CSF2RA: variants seen among roughly 807,000 people sequenced by gnomAD.
CSF2RA encodes the protein colony stimulating factor 2 receptor subunit alpha, also known as granulocyte-macrophage colony-stimulating factor receptor subunit alpha.
In CSF2RA, 42 loss-of-function variants were observed where a neutral mutation model predicts 51.6. The observed-to-expected ratio is 0.81, with a 90% CI of 0.64 to 1.05. The LOEUF is 1.05. Among genes scored for constraint, CSF2RA ranks in the 50% least tolerant of loss-of-function variants. The pLI is 0.00. For missense variants in CSF2RA, 530 were observed against 501.1 expected, an observed-to-expected ratio of 1.06 and a Z score of -0.55; for synonymous variants, 222 against 193.0, an observed-to-expected ratio of 1.15 and a Z score of -1.24.
At chrX:1,317,549 CT>C in the CSF2RA span, among the ~76,000 whole-genome samples, 196 of 146,172 alleles carry the variant, frequency 1.3e-3, 1 homozygote, top group African/African-American at 4.9e-3. Flanking sequence ...CCACGCCCAG[CT>C]TTTTTTATTT....
At chrX:1,319,156 T>C in the CSF2RA span, among the ~76,000 whole-genome samples, 49,615 of 146,890 alleles carry the variant, frequency 0.34, 10,042 homozygotes, top group African/African-American at 0.47. Flanking sequence ...CCACCACGCC[T>C]GGCTAATTTT....
At chrX:1,282,812 CG>C in intron 3 of CSF2RA, 33 bp downstream of exon 3, 1 of 1,572,782 alleles carries the variant, frequency 6.4e-7, no homozygotes, top group South Asian at 1.1e-5. Context: ...ACCTTCTCCG[CG>C]GCCCCTGTTT....
chrX:1,295,364 C>A, intron 8 of CSF2RA, 63 bp from the exon 9 acceptor site: 1 of 1,591,570 alleles, frequency 6.3e-7, no homozygotes, highest in Non-Finnish European at 8.6e-7. Context: ...ACTGTGTGAA[C>A]CATCTACAGT....
Position 1,309,493 on chromosome X carries a change from T to C in CSF2RA, c.*14T>C. 2 of 1,613,980 alleles carry C rather than the reference T, an allele frequency of 1.2e-6. No individual in the cohort carries two copies. Among genetic ancestry groups the C allele is most frequent in the South Asian group, 2.2e-5 (2 of 91,084 alleles). On this transcript the variant is annotated 3_prime_UTR_variant, in exon 13 of 13. Coordinates refer to ENST00000381529, the MANE Select transcript of CSF2RA (RefSeq NM_172245.4). ...GAAATTACCTGAGACCCAGAGGGTGTAGGAATGGCATGGACATCTCCGCCT... is the reference window on the plus strand; with the variant it reads ...GAAATTACCTGAGACCCAGAGGGTGCAGGAATGGCATGGACATCTCCGCCT...
chrX:1,275,349 C>T (rs2089042220), intron 2 of CSF2RA, among the ~76,000 whole-genome samples: 1 of 151,410 alleles, frequency 6.6e-6, no homozygotes, highest in Non-Finnish European at 1.5e-5. Context: ...CAAGATCGCG[C>T]CACTGCACTC....
At chrX:1,282,803 C>A (rs368542996) in intron 3 of CSF2RA, 24 bp downstream of exon 3, 7 of 1,596,540 alleles carry the variant, frequency 4.4e-6, no homozygotes, top group African/African-American at 2.7e-5. Context: ...CCTGGCTGAA[C>A]CTTCTCCGCG....
intron 2 of CSF2RA, among the ~76,000 whole-genome samples, chrX:1,276,734 T>C (rs1569491316): frequency 6.6e-6 from 1 of 152,000 alleles, no homozygotes. Flanking sequence ...TGGGGTGAAA[T>C]GTATTTTAAA....
At chrX:1,272,869 A>T (rs1418004545) in intron 1 of CSF2RA, among the ~76,000 whole-genome samples, 1 of 143,036 alleles carries the variant, frequency 7.0e-6, no homozygotes, top group African/African-American at 2.6e-5. Flanking sequence ...CCCAGACTGG[A>T]GTACAGTGGC....
downstream of CSF2RA, among the ~76,000 whole-genome samples, chrX:1,311,919 T>A (rs2148741887): frequency 6.6e-6 from 1 of 152,252 alleles, no homozygotes; most frequent in Admixed American, 6.6e-5. Flanking sequence ...CATATCTCAC[T>A]GGACTGTGAC....
intron 2 of CSF2RA, among the ~76,000 whole-genome samples, chrX:1,280,429 C>G (rs1341554902): frequency 6.7e-6 from 1 of 149,568 alleles, no homozygotes; most frequent in Non-Finnish European, 1.5e-5. Flanking sequence ...CAAGATTGCA[C>G]CACTGCACTC....
Position 1,274,811 on chromosome X carries a change from A to T in CSF2RA, c.-34A>T. ...ATCCGAGAAGCGGCGATGTTTGCGT[A>T]GAACCCTGTACGTGCTTCCTTCGGC... On this transcript the variant is annotated 5_prime_UTR_variant, in exon 2 of 13. It removes the in-frame stop codon of an upstream open reading frame in the 5' UTR. Coordinates refer to ENST00000381529, the MANE Select transcript of CSF2RA (RefSeq NM_172245.4). 6.6e-6 allele frequency: 3 copies of T among 453,658 alleles called. No homozygotes were observed. Among genetic ancestry groups the T allele is most frequent in the Non-Finnish European group, 1.3e-5 (3 of 226,724 alleles). The allele number at this position is 453,658 out of a possible 1,614,324, so 28.1% of individuals were successfully genotyped here. A position where few individuals can be genotyped will look rare whatever the true frequency, so the allele number is the denominator to read the frequency against.
At chrX:1,294,253 T>C in intron 7 of CSF2RA, 75 bp from the exon 8 acceptor site, 1 of 1,582,086 alleles carries the variant, frequency 6.3e-7, no homozygotes, top group Non-Finnish European at 8.7e-7. Context: ...GAGGAGACTC[T>C]GCACCACCTC....
intron 2 of CSF2RA, among the ~76,000 whole-genome samples, chrX:1,281,015 C>A (rs2089932100): frequency 1.8e-5 from 2 of 108,936 alleles, no homozygotes. Context: ...TCCTTCTCCT[C>A]CTCCTCCTTC....
intron 3 of CSF2RA, 91 bp from the exon 4 acceptor site, chrX:1,285,687 G>C: frequency 7.2e-7 from 1 of 1,391,118 alleles, no homozygotes; most frequent in South Asian, 1.3e-5. Context: ...GGGAGACAAA[G>C]CCAGACTCCG....
At chrX:1,289,395 C>T (rs1346133373) in intron 6 of CSF2RA, among the ~76,000 whole-genome samples, 1 of 152,176 alleles carries the variant, frequency 6.6e-6, no homozygotes, top group African/African-American at 2.4e-5. Context: ...CCCCAAAGTG[C>T]TGGGATTACA....
the CSF2RA span, among the ~76,000 whole-genome samples, chrX:1,320,925 C>T: frequency 1.3e-5 from 2 of 151,536 alleles, no homozygotes; most frequent in African/African-American, 4.8e-5. Context: ...CTGCAACCTC[C>T]ACCTCCCAGG....
At chrX:1,280,874 T>TTCTCCTCCTCCTCCTCCTC (rs1569494246) in intron 2 of CSF2RA, among the ~76,000 whole-genome samples, 1 of 37,938 alleles carries the variant, frequency 2.6e-5, no homozygotes, top group Non-Finnish European at 5.1e-5. Context: ...TCCTCCTCCT[T>TTCTCCTCCTCCTCCTCCTC]CTCCTGCTCC....
At chrX:1,312,766 G>A (rs1482603029), downstream of CSF2RA, among the ~76,000 whole-genome samples, 3 of 152,082 alleles carry the variant, frequency 2.0e-5, no homozygotes, top group Non-Finnish European at 2.9e-5. Flanking sequence ...CCTCCCTCGT[G>A]GGTGTTCCAC....
chrX:1,271,707 G>A (rs1385090943), intron 1 of CSF2RA, among the ~76,000 whole-genome samples: 1 of 151,714 alleles, frequency 6.6e-6, no homozygotes, highest in Admixed American at 6.6e-5. Flanking sequence ...AGTAGGGATG[G>A]TGTTTCACCA....
Sources: allele counts gnomAD v4.1 joint callset (sites outside exome capture counted in the v4.1 genomes callset), GRCh38; gene constraint gnomAD v4.1.1; transcripts MANE v1.5; gene names NCBI Gene and HGNC (gene_info 2026-07-23, HGNC 2026-07-21).